KIZ: variants seen among roughly 807,000 people sequenced by gnomAD.
KIZ encodes centrosomal protein kizuna.
Under a neutral mutation model 79.6 loss-of-function variants are expected in KIZ, and 68 were observed. The ratio of observed to expected loss-of-function variants is 0.85; its 90% CI spans 0.70 to 1.05. KIZ has a LOEUF of 1.05. Among genes scored for constraint, KIZ ranks in the 50% least tolerant of loss-of-function variants. The pLI, the probability that KIZ is intolerant of heterozygous loss-of-function variation, is 0.00. For missense variants in KIZ, 797 were observed against 800.4 expected, an observed-to-expected ratio of 1.00 and a Z score of 0.05; for synonymous variants, 280 against 281.8, an observed-to-expected ratio of 0.99 and a Z score of 0.06.
chr20:21,239,861 T>C (rs1299476141), intron 11 of KIZ, among the ~76,000 whole-genome samples: 3 of 152,370 alleles, frequency 2.0e-5, no homozygotes, highest in Admixed American at 2.0e-4. Context: ...CAAGTGACTT[T>C]GATTAGCATT....
chr20:21,141,677 C>T (rs1197200314), intron 3 of KIZ, among the ~76,000 whole-genome samples: 1 of 152,026 alleles, frequency 6.6e-6, no homozygotes, highest in Non-Finnish European at 1.5e-5. Flanking sequence ...ATGGCAGGCA[C>T]AAGAGTCTTC....
chr20:21,156,314 C>T (rs898422111), intron 4 of KIZ, among the ~76,000 whole-genome samples: 1 of 152,034 alleles, frequency 6.6e-6, no homozygotes, highest in African/African-American at 2.4e-5. Flanking sequence ...GTTCCAGGAC[C>T]CAATCCAGGA....
At chr20:21,193,846 G>A (rs1049452681) in intron 6 of KIZ, among the ~76,000 whole-genome samples, 1 of 121,650 alleles carries the variant, frequency 8.2e-6, no homozygotes, top group Non-Finnish European at 1.7e-5. Flanking sequence ...CACACACTGG[G>A]GACTGTTGTG....
At chr20:21,149,429 G>A (rs1162663571) in intron 4 of KIZ, among the ~76,000 whole-genome samples, 1 of 152,200 alleles carries the variant, frequency 6.6e-6, no homozygotes, top group African/African-American at 2.4e-5. Flanking sequence ...AATAAAAGAA[G>A]CGTCCGTTTC....
intron 3 of KIZ, among the ~76,000 whole-genome samples, chr20:21,138,175 A>G (rs1001364729): frequency 3.9e-5 from 6 of 152,156 alleles, no homozygotes; most frequent in African/African-American, 7.2e-5. Context: ...ATTGTTTTCT[A>G]TGTTATTGAT....
At chr20:21,238,334 TGAGAGAGA>T (rs1555889283) in intron 11 of KIZ, among the ~76,000 whole-genome samples, 7 of 95,662 alleles carry the variant, frequency 7.3e-5, no homozygotes, top group African/African-American at 2.1e-4. Context: ...CATAAGGGTG[TGAGAGAGA>T]GAGAGAGAGA....
At chr20:21,177,659 CA>C (rs1449808482) in intron 6 of KIZ, among the ~76,000 whole-genome samples, 3 of 151,996 alleles carry the variant, frequency 2.0e-5, no homozygotes, top group Non-Finnish European at 4.4e-5. Flanking sequence ...TTGCCAAGGC[CA>C]ATGTTATGAA....
At chr20:21,146,726 T>C (rs1048798134) in intron 4 of KIZ, among the ~76,000 whole-genome samples, 9 of 152,230 alleles carry the variant, frequency 5.9e-5, no homozygotes, top group Non-Finnish European at 1.3e-4. Flanking sequence ...TATTTTGTTT[T>C]TATAGTAGGA....
chr20:21,213,285 T>C (rs1347680206), intron 7 of KIZ, among the ~76,000 whole-genome samples: 1 of 152,216 alleles, frequency 6.6e-6, no homozygotes, highest in Non-Finnish European at 1.5e-5. Context: ...GTCCGGGCCT[T>C]CCGACCGGAC....
chr20:21,156,097 A>G (rs2033368608), intron 4 of KIZ, among the ~76,000 whole-genome samples: 1 of 152,170 alleles, frequency 6.6e-6, no homozygotes, highest in Non-Finnish European at 1.5e-5. Flanking sequence ...TTATTTTACA[A>G]TAATTTTAGA....
chr20:21,234,595 T>C (rs1343458372), intron 11 of KIZ, among the ~76,000 whole-genome samples: 1 of 152,126 alleles, frequency 6.6e-6, no homozygotes, highest in Non-Finnish European at 1.5e-5. Flanking sequence ...AGGATCCCAC[T>C]TACTGCAGTC....
At chr20:21,218,116 C>G (rs1392908247) in intron 9 of KIZ, 2 of 152,214 alleles carry the variant, frequency 1.3e-5, no homozygotes, top group Non-Finnish European at 2.9e-5. Context: ...CACTTGAGAA[C>G]ACAATTGAGA....
At chr20:21,135,198 G>A (rs2032114180) in intron 2 of KIZ, among the ~76,000 whole-genome samples, 1 of 152,200 alleles carries the variant, frequency 6.6e-6, no homozygotes, top group Non-Finnish European at 1.5e-5. Context: ...CACTCATGTG[G>A]TCAGCTTTGA....
chr20:21,211,174 A>G (rs1486752362), intron 7 of KIZ, among the ~76,000 whole-genome samples: 1 of 152,232 alleles, frequency 6.6e-6, no homozygotes, highest in African/African-American at 2.4e-5. Flanking sequence ...GGTTCTAGAT[A>G]GAGCAAGATT....
Position 21,141,008 on chromosome 20 carries a change from CA to C in KIZ, c.315+4464del, listed in dbSNP as rs574252446. Among the ~76,000 whole-genome samples the C allele has an allele frequency of 4.6e-5, 7 of 151,156 alleles. No individual in the cohort carries two copies. In the South Asian group the frequency reaches 1.5e-3, roughly 32 times the overall value. On this transcript the variant is annotated intron_variant, in intron 3 of 12. Coordinates refer to ENST00000619189, the MANE Select transcript of KIZ (RefSeq NM_018474.6). ...GCGACAGAGCAAGACCCTGGCTCTC[CA>C]AAAAAAATTAATAATAATAAAGTAA...
intron 10 of KIZ, among the ~76,000 whole-genome samples, chr20:21,229,661 A>G (rs1205799923): frequency 6.6e-6 from 1 of 152,038 alleles, no homozygotes. Flanking sequence ...TGAAGCCTCA[A>G]CCTACCAATC....
intron 9 of KIZ, among the ~76,000 whole-genome samples, chr20:21,226,447 C>A (rs1299337062): frequency 6.6e-6 from 1 of 152,228 alleles, no homozygotes; most frequent in East Asian, 1.9e-4. Flanking sequence ...TTAGCCAACC[C>A]TTATTAATTT....
intron 3 of KIZ, among the ~76,000 whole-genome samples, chr20:21,140,969 G>A (rs569282875): frequency 1.3e-5 from 2 of 152,150 alleles, no homozygotes; most frequent in East Asian, 3.9e-4. Context: ...TGGTGACACT[G>A]CAGTCTAGCC....
chr20:21,147,342 G>A (rs971457255), intron 4 of KIZ, among the ~76,000 whole-genome samples: 3 of 152,168 alleles, frequency 2.0e-5, no homozygotes, highest in Non-Finnish European at 2.9e-5. Flanking sequence ...AATCGATTAG[G>A]TAACACTTTG....
Sources: gnomAD v4.1 joint callset for allele counts (sites outside exome capture counted in the v4.1 genomes callset) on GRCh38, gnomAD v4.1.1 for gene constraint, MANE v1.5 for transcripts, NCBI Gene and HGNC (gene_info 2026-07-23, HGNC 2026-07-21) for gene names.